ADCY5: variants seen among roughly 807,000 people sequenced by gnomAD.
The protein encoded by ADCY5 is adenylate cyclase type 5.
Under a neutral mutation model 119.7 loss-of-function variants are expected in ADCY5, and 30 were observed. The observed-to-expected ratio is 0.25, with a 90% confidence interval of 0.19 to 0.34. The LOEUF (loss-of-function observed/expected upper bound fraction) is 0.34, where lower values mean the gene tolerates loss of function less well. Ranked by LOEUF, ADCY5 falls within the 10% of genes least tolerant of loss-of-function variation. The pLI is 1.00. For synonymous variants in ADCY5, 753 were observed against 762.2 expected (o/e 0.99, Z 0.20); for missense variants, 1,324 against 1,775.2 (o/e 0.75, Z 4.57).
intron 10 of ADCY5, among the ~76,000 whole-genome samples, chr3:123,318,436 T>G (rs972500614): frequency 2.0e-5 from 3 of 152,010 alleles, no homozygotes. Flanking sequence ...ACATGCCAGG[T>G]GTCTACAGGC....
At chr3:123,393,782 C>T (rs1182600669) in intron 1 of ADCY5, among the ~76,000 whole-genome samples, 1 of 151,660 alleles carries the variant, frequency 6.6e-6, no homozygotes, top group Non-Finnish European at 1.5e-5. Context: ...CTGGCTTCCC[C>T]TCCCTCCCTC....
At chr3:123,434,483 A>G (rs976395617) in intron 1 of ADCY5, among the ~76,000 whole-genome samples, 1 of 152,248 alleles carries the variant, frequency 6.6e-6, no homozygotes, top group Non-Finnish European at 1.5e-5. Context: ...CTGGGCCTCT[A>G]GGCCCCAAAG....
In ADCY5 at chr3:123,283,300, G is replaced by A. The variant is rs955312697; in HGVS notation, c.*1308C>T. 2.9e-4 allele frequency: 44 copies of A among 152,208 alleles called. No homozygotes were observed. Among genetic ancestry groups the A allele is most frequent in the African/African-American group, 1.0e-3 (43 of 41,440 alleles). 9.4% of individuals were successfully genotyped at this position (152,208 alleles called of 1,614,324 possible). On this transcript the variant is annotated 3_prime_UTR_variant, in exon 21 of 21. Coordinates refer to ENST00000462833, the MANE Select transcript of ADCY5 (RefSeq NM_183357.3). Reference sequence around the variant, plus strand: ...TCTGTAAGCACTCTGGAATCTGTGGGCGCTGCCTCTGTAAGCCGCAAACGT... The same window carrying A: ...TCTGTAAGCACTCTGGAATCTGTGGACGCTGCCTCTGTAAGCCGCAAACGT...
At chr3:123,374,207 A>G (rs1309133748) in intron 1 of ADCY5, among the ~76,000 whole-genome samples, 1 of 152,084 alleles carries the variant, frequency 6.6e-6, no homozygotes, top group Non-Finnish European at 1.5e-5. Flanking sequence ...TTGAATGAAA[A>G]CAACAGTCCT....
intron 14 of ADCY5, among the ~76,000 whole-genome samples, chr3:123,302,554 G>A (rs1256586620): frequency 6.6e-6 from 1 of 152,112 alleles, no homozygotes; most frequent in African/African-American, 2.4e-5. Flanking sequence ...CTGAGGTGGG[G>A]TAGGGTCTGC....
At chr3:123,342,563 C>T (rs900997531) in intron 3 of ADCY5, among the ~76,000 whole-genome samples, 11 of 152,176 alleles carry the variant, frequency 7.2e-5, no homozygotes, top group African/African-American at 2.7e-4. Flanking sequence ...AACCAAGATC[C>T]CCCAACCCGT....
At chr3:123,320,093 A>T (rs1941141027) in intron 9 of ADCY5, among the ~76,000 whole-genome samples, 1 of 152,144 alleles carries the variant, frequency 6.6e-6, no homozygotes, top group South Asian at 2.1e-4. Flanking sequence ...ATATTATATT[A>T]GCATAACAAT....
intron 1 of ADCY5, among the ~76,000 whole-genome samples, chr3:123,360,931 C>A (rs1012058039): frequency 6.6e-6 from 1 of 152,144 alleles, no homozygotes; most frequent in African/African-American, 2.4e-5. Context: ...GAAACTGAGG[C>A]CCGAGGCAGG....
At chr3:123,310,638 G>T (rs529093127) in intron 12 of ADCY5, among the ~76,000 whole-genome samples, 3 of 152,300 alleles carry the variant, frequency 2.0e-5, no homozygotes, top group Non-Finnish European at 4.4e-5. Flanking sequence ...CAGTTCTGGG[G>T]CCTAGGTCAG....
intron 1 of ADCY5, among the ~76,000 whole-genome samples, chr3:123,433,768 C>G (rs549553789): frequency 1.8e-4 from 28 of 152,288 alleles, no homozygotes; most frequent in African/African-American, 6.7e-4. Flanking sequence ...TCCCTTCCCT[C>G]CCTGTCCCAC....
At chr3:123,398,621 T>C (rs1944668532) in intron 1 of ADCY5, among the ~76,000 whole-genome samples, 1 of 152,104 alleles carries the variant, frequency 6.6e-6, no homozygotes, top group African/African-American at 2.4e-5. Flanking sequence ...ATCTAAATGT[T>C]TGTAATATTT....
Position 123,282,397 on chromosome 3 carries a change from G to A in ADCY5, c.*2211C>T, listed in dbSNP as rs969537021. 6.6e-6 allele frequency: 1 copy of A among 152,300 alleles called. No homozygotes were observed. Among genetic ancestry groups the A allele is most frequent in the East Asian group, 1.9e-4 (1 of 5,204 alleles). 9.4% of individuals were successfully genotyped at this position (152,300 alleles called of 1,614,324 possible). ...GTTTTTGCAAGAGTAGGAATAAAAA[G>A]AGTGCACACCCTTTAGAGGGAACGA... is the stretch of plus-strand genomic sequence containing the variant. On this transcript the variant is annotated 3_prime_UTR_variant, in exon 21 of 21. Transcript: ENST00000462833.
chr3:123,321,459 T>C (rs570431963), intron 8 of ADCY5, among the ~76,000 whole-genome samples: 206 of 152,274 alleles, frequency 1.4e-3, no homozygotes, highest in African/African-American at 4.6e-3. Context: ...CTTGAATCTA[T>C]GAATTCCGCA....
intron 11 of ADCY5, among the ~76,000 whole-genome samples, chr3:123,315,158 T>C (rs898720644): frequency 6.6e-6 from 1 of 151,690 alleles, no homozygotes; most frequent in African/African-American, 2.4e-5. Context: ...GGAGGAAGAG[T>C]GGCCTGACGA....
chr3:123,448,738 G>A lies in ADCY5; in HGVS notation c.-193C>T. ...GAGGAGGAGGGCACAGCCCCGAGGT[G>A]AGAAGTAGCTGAGGATCCGCGTCAG... On this transcript the variant is annotated 5_prime_UTR_variant, in exon 1 of 21. Coordinates refer to ENST00000462833, the MANE Select transcript of ADCY5 (RefSeq NM_183357.3). The A allele has an allele frequency of 2.3e-6, 1 of 432,204 alleles. No individual in the cohort carries two copies. Among genetic ancestry groups the A allele is most frequent in the East Asian group, 3.6e-5 (1 of 28,118 alleles). 26.8% of individuals were successfully genotyped at this position (432,204 alleles called of 1,614,324 possible). A position where few individuals can be genotyped will look rare whatever the true frequency, so the allele number is the denominator to read the frequency against.
chr3:123,430,233 G>A (rs1257003506), intron 1 of ADCY5, among the ~76,000 whole-genome samples: 1 of 152,200 alleles, frequency 6.6e-6, no homozygotes, highest in Non-Finnish European at 1.5e-5. Context: ...AAGACACAGA[G>A]GGAAAACAAA....
intron 12 of ADCY5, among the ~76,000 whole-genome samples, chr3:123,304,705 CT>C (rs983606779): frequency 6.6e-6 from 1 of 152,176 alleles, no homozygotes; most frequent in African/African-American, 2.4e-5. Context: ...GCCCTGAGCA[CT>C]GAGTGAGCTC....
intron 1 of ADCY5, among the ~76,000 whole-genome samples, chr3:123,396,225 A>G (rs1944558294): frequency 7.7e-6 from 1 of 129,710 alleles, no homozygotes. Flanking sequence ...AAGAAAGAAA[A>G]AGAAACAAAG....
intron 2 of ADCY5, among the ~76,000 whole-genome samples, chr3:123,351,662 C>CA (rs1942842258): frequency 6.6e-6 from 1 of 152,198 alleles, no homozygotes; most frequent in African/African-American, 2.4e-5. Flanking sequence ...AGCCATGACT[C>CA]AGAGTCACCA....
Sources: gnomAD v4.1 joint callset for allele counts (sites outside exome capture counted in the v4.1 genomes callset) on GRCh38, gnomAD v4.1.1 for gene constraint, MANE v1.5 for transcripts, NCBI Gene and HGNC (gene_info 2026-07-23, HGNC 2026-07-21) for gene names.